FBXL7: variants seen among roughly 807,000 people sequenced by gnomAD.
FBXL7 encodes F-box/LRR-repeat protein 7.
FBXL7 carries 12 observed loss-of-function variants against 38.3 expected under a neutral mutation model. That is an observed-to-expected ratio of 0.31 (90% CI 0.20 to 0.51). The LOEUF is 0.51. Among genes scored for constraint, FBXL7 ranks in the 20% least tolerant of loss-of-function variants. FBXL7 has a pLI of 0.98. For missense variants in FBXL7, 567 were observed against 676.4 expected, an observed-to-expected ratio of 0.84 and a Z score of 1.79; for synonymous variants, 297 against 300.9, an observed-to-expected ratio of 0.99 and a Z score of 0.13.
intron 2 of FBXL7, among the ~76,000 whole-genome samples, chr5:15,658,592 T>C (rs551433957): frequency 2.0e-5 from 3 of 152,234 alleles, no homozygotes; most frequent in South Asian, 2.1e-4. Flanking sequence ...GGGAGACTCA[T>C]GTCTCCAGAA....
chr5:15,858,670 A>C lies in FBXL7; in HGVS notation c.128-69220A>C, dbSNP rs151231909. On this transcript the variant is annotated intron_variant, in intron 2 of 3. Transcript: ENST00000504595. ...CTCTGAATCCACAAGGGAGCAAGCT[A>C]CCTCGGCCAAATGTTAGTTTTTTGT... Among the ~76,000 whole-genome samples, 534 of 152,298 alleles carry C rather than the reference A, an allele frequency of 3.5e-3. 4 individuals are homozygous for C. Among genetic ancestry groups the C allele is most frequent in the African/African-American group, 0.012 (514 of 41,576 alleles).
intron 1 of FBXL7, among the ~76,000 whole-genome samples, chr5:15,567,191 T>C (rs1738605182): frequency 6.6e-6 from 1 of 152,246 alleles, no homozygotes; most frequent in Admixed American, 6.5e-5. Flanking sequence ...TCATTCATAT[T>C]TGGGCAAACC....
intron 1 of FBXL7, among the ~76,000 whole-genome samples, chr5:15,590,846 G>A (rs1054486390): frequency 2.0e-5 from 3 of 152,150 alleles, no homozygotes; most frequent in Admixed American, 6.5e-5. Flanking sequence ...ATAAATTACT[G>A]AGTCACATAG....
intron 2 of FBXL7, among the ~76,000 whole-genome samples, chr5:15,863,448 T>C (rs1223347217): frequency 6.6e-6 from 1 of 152,220 alleles, no homozygotes; most frequent in African/African-American, 2.4e-5. Flanking sequence ...ACCAGTCTGA[T>C]GTGATCCACG....
intron 2 of FBXL7, among the ~76,000 whole-genome samples, chr5:15,714,391 G>A (rs1743972179): frequency 6.6e-6 from 1 of 152,140 alleles, no homozygotes; most frequent in South Asian, 2.1e-4. Context: ...TTCCAGTACA[G>A]CCTGTAGCAC....
At chr5:15,517,972 G>T (rs1019416350) in intron 1 of FBXL7, among the ~76,000 whole-genome samples, 8 of 152,070 alleles carry the variant, frequency 5.3e-5, no homozygotes, top group East Asian at 1.9e-4. Context: ...GTGTTTTTTT[G>T]TGTGTGTTTG....
chr5:15,658,771 T>A (rs1247028968), intron 2 of FBXL7, among the ~76,000 whole-genome samples: 1 of 152,154 alleles, frequency 6.6e-6, no homozygotes, highest in Non-Finnish European at 1.5e-5. Flanking sequence ...TTCACGATGC[T>A]TTTCCATACA....
rs189893615 is a variant in FBXL7 at position 15,901,341 on chromosome 5, C to T, written c.128-26549C>T. On this transcript the variant is annotated intron_variant, in intron 2 of 3. Transcript: ENST00000504595. ...GGTAGAAGAAGGGCAAGAGAGCTCT[C>T]TAAGGTCCCTTTCATAAAAGCACTA... Among the ~76,000 whole-genome samples, 431 of 152,288 alleles carry T rather than the reference C, an allele frequency of 2.8e-3. 2 individuals are homozygous for T. Among genetic ancestry groups the T allele is most frequent in the Non-Finnish European group, 2.1e-3 (145 of 68,020 alleles).
intron 2 of FBXL7, among the ~76,000 whole-genome samples, chr5:15,624,574 T>C (rs1382507717): frequency 6.6e-6 from 1 of 152,188 alleles, no homozygotes; most frequent in East Asian, 1.9e-4. Context: ...ATTTACAAAA[T>C]ACAGTAATTC....
At chr5:15,610,727 C>T (rs923282609) in intron 1 of FBXL7, among the ~76,000 whole-genome samples, 7 of 152,114 alleles carry the variant, frequency 4.6e-5, no homozygotes, top group Admixed American at 2.0e-4. Context: ...TAGGTGTTCA[C>T]GATATCCTAA....
intron 1 of FBXL7, among the ~76,000 whole-genome samples, chr5:15,503,470 C>A (rs1736556982): frequency 6.6e-6 from 1 of 152,170 alleles, no homozygotes; most frequent in Admixed American, 6.5e-5. Flanking sequence ...GAGTCTTGGC[C>A]AATCCCAGCA....
At chr5:15,838,057 T>G (rs1044184286) in intron 2 of FBXL7, among the ~76,000 whole-genome samples, 1 of 152,090 alleles carries the variant, frequency 6.6e-6, no homozygotes, top group Non-Finnish European at 1.5e-5. Flanking sequence ...TGTTGTCTGG[T>G]GTGGTGTCAT....
At position 15,865,538 on chromosome 5, in the gene FBXL7, G is replaced by A. The variant is rs938881809; in HGVS notation, c.128-62352G>A. Among the ~76,000 whole-genome samples, 9 of 152,080 alleles carry A rather than the reference G, an allele frequency of 5.9e-5. No individual in the cohort carries two copies. In the East Asian group the frequency reaches 1.5e-3, roughly 26 times the overall value. On this transcript the variant is annotated intron_variant, in intron 2 of 3. Coordinates refer to ENST00000504595, the MANE Select transcript of FBXL7 (RefSeq NM_012304.5). The stretch of plus-strand genomic sequence containing the variant: ...TCTCCATCACACTTCACAGACCCAC[G>A]GATGAAGCTAAGAATTGATGACAAG...
intron 1 of FBXL7, among the ~76,000 whole-genome samples, chr5:15,590,418 A>G (rs1375865112): frequency 6.6e-6 from 1 of 151,922 alleles, no homozygotes; most frequent in African/African-American, 2.4e-5. Flanking sequence ...TCTGCTTGTT[A>G]TAATCCTTCA....
At chr5:15,795,522 A>G (rs978898734) in intron 2 of FBXL7, among the ~76,000 whole-genome samples, 3 of 152,224 alleles carry the variant, frequency 2.0e-5, no homozygotes, top group African/African-American at 7.2e-5. Context: ...GTTGTCATCT[A>G]TGTACCTTTT....
At chr5:15,899,743 A>C (rs1741189305) in intron 2 of FBXL7, among the ~76,000 whole-genome samples, 1 of 152,202 alleles carries the variant, frequency 6.6e-6, no homozygotes, top group Non-Finnish European at 1.5e-5. Flanking sequence ...CTAAATCATT[A>C]ATGAGAAGAA....
intron 2 of FBXL7, among the ~76,000 whole-genome samples, chr5:15,915,213 A>G (rs1007006154): frequency 6.6e-6 from 1 of 152,226 alleles, no homozygotes; most frequent in Non-Finnish European, 1.5e-5. Flanking sequence ...CATTCAATAT[A>G]AAAGTGTGGA....
chr5:15,860,542 A>G (rs1739431803), intron 2 of FBXL7, among the ~76,000 whole-genome samples: 1 of 152,172 alleles, frequency 6.6e-6, no homozygotes, highest in South Asian at 2.1e-4. Flanking sequence ...GGCTTATTTT[A>G]GTTTCGGATA....
chr5:15,643,276 A>T (rs998397211), intron 2 of FBXL7, among the ~76,000 whole-genome samples: 1 of 152,240 alleles, frequency 6.6e-6, no homozygotes, highest in African/African-American at 2.4e-5. Flanking sequence ...TTTAGGAGGA[A>T]GGAACAGGCT....
Sources: gnomAD v4.1 joint callset for allele counts (sites outside exome capture counted in the v4.1 genomes callset) on GRCh38, gnomAD v4.1.1 for gene constraint, MANE v1.5 for transcripts, NCBI Gene and HGNC (gene_info 2026-07-23, HGNC 2026-07-21) for gene names.